The following SDK1 variants were observed in gnomAD, a reference collection of about 807,000 sequenced individuals.
SDK1 encodes the protein protein sidekick-1.
Under a neutral mutation model 245.5 loss-of-function variants are expected in SDK1, and 157 were observed. The ratio of observed to expected loss-of-function variants is 0.64; its 90% CI spans 0.56 to 0.73. SDK1 has a LOEUF of 0.73. Ranked by LOEUF, SDK1 falls within the 30% of genes least tolerant of loss-of-function variation. SDK1 has a pLI of 0.00. For missense variants in SDK1, 3,583 were observed against 3,002.3 expected (o/e 1.19, Z -4.52); for synonymous variants, 1,647 against 1,278.5 (o/e 1.29, Z -6.15).
chr7:3,331,653 G>A (rs1307794174), intron 1 of SDK1, among the ~76,000 whole-genome samples: 2 of 152,128 alleles, frequency 1.3e-5, no homozygotes, highest in African/African-American at 4.8e-5. Context: ...TGCTTTTGGT[G>A]TCATATCTGA....
At chr7:3,370,773 T>A (rs546085784) in intron 1 of SDK1, among the ~76,000 whole-genome samples, 2 of 152,310 alleles carry the variant, frequency 1.3e-5, no homozygotes, top group Admixed American at 6.5e-5. Context: ...GGACATGTTT[T>A]AAAATTCATG....
At chr7:4,032,004 G>A (rs965987334) in intron 17 of SDK1, among the ~76,000 whole-genome samples, 7 of 149,308 alleles carry the variant, frequency 4.7e-5, no homozygotes, top group African/African-American at 1.2e-4. Context: ...TCCAGCCTGG[G>A]TGACAGAGTG....
At chr7:4,037,316 T>A (rs1315257295) in intron 17 of SDK1, among the ~76,000 whole-genome samples, 3 of 152,090 alleles carry the variant, frequency 2.0e-5, no homozygotes, top group Non-Finnish European at 4.4e-5. Flanking sequence ...TGAGTCTGAA[T>A]CTCTCAAAAG....
At chr7:3,550,390 C>T (rs939083295) in intron 1 of SDK1, among the ~76,000 whole-genome samples, 12 of 152,256 alleles carry the variant, frequency 7.9e-5, no homozygotes, top group African/African-American at 2.4e-4. Context: ...TACTGTGGCA[C>T]GAGTAAGAAC....
chr7:3,830,654 C>T (rs907929899), intron 5 of SDK1, among the ~76,000 whole-genome samples: 4 of 152,122 alleles, frequency 2.6e-5, no homozygotes, highest in Admixed American at 2.6e-4. Flanking sequence ...CACCACCACA[C>T]TTGGCTAATT....
chr7:3,342,406 T>G (rs192567607), intron 1 of SDK1, among the ~76,000 whole-genome samples: 2 of 151,934 alleles, frequency 1.3e-5, no homozygotes, highest in East Asian at 3.9e-4. Flanking sequence ...CTGACCGACA[T>G]GGAGAAACAC....
chr7:3,590,513 T>C (rs1310390517), intron 1 of SDK1, among the ~76,000 whole-genome samples: 1 of 152,208 alleles, frequency 6.6e-6, no homozygotes, highest in African/African-American at 2.4e-5. Context: ...AAAATGTGAA[T>C]GCTAATAAGT....
At chr7:3,362,802 T>C (rs1042179148) in intron 1 of SDK1, among the ~76,000 whole-genome samples, 1 of 152,220 alleles carries the variant, frequency 6.6e-6, no homozygotes, top group Non-Finnish European at 1.5e-5. Context: ...TTTATACTTT[T>C]ATAGTTTTCC....
intron 8 of SDK1, among the ~76,000 whole-genome samples, chr7:3,960,255 C>A (rs191587749): frequency 6.6e-6 from 1 of 152,306 alleles, no homozygotes; most frequent in African/African-American, 2.4e-5. Flanking sequence ...AGTCATTGCC[C>A]AGTGTGTGGC....
intron 4 of SDK1, among the ~76,000 whole-genome samples, chr7:3,770,941 C>G (rs561037566): frequency 2.6e-5 from 4 of 152,168 alleles, no homozygotes; most frequent in African/African-American, 9.7e-5. Flanking sequence ...CCTGGGGTCC[C>G]TAGCCAGTTT....
intron 5 of SDK1, among the ~76,000 whole-genome samples, chr7:3,874,966 C>G (rs1437441080): frequency 6.6e-6 from 1 of 152,100 alleles, no homozygotes; most frequent in Non-Finnish European, 1.5e-5. Context: ...CTGAGAGCAC[C>G]CTTTAGGGTT....
At chr7:3,445,353 A>C (rs1480820829) in intron 1 of SDK1, among the ~76,000 whole-genome samples, 2 of 152,184 alleles carry the variant, frequency 1.3e-5, no homozygotes, top group African/African-American at 2.4e-5. Context: ...AACAGAATTT[A>C]CTGACTTTTA....
At chr7:4,134,284 T>C (rs1778899549) in intron 28 of SDK1, among the ~76,000 whole-genome samples, 1 of 152,206 alleles carries the variant, frequency 6.6e-6, no homozygotes. Context: ...CCTTTGGAAT[T>C]GCGGGTTCCT....
intron 1 of SDK1, among the ~76,000 whole-genome samples, chr7:3,448,354 C>A (rs915404440): frequency 6.6e-6 from 1 of 151,932 alleles, no homozygotes; most frequent in African/African-American, 2.4e-5. Flanking sequence ...TATTGAGTTG[C>A]CTTTTACTTA....
chr7:3,511,424 A>G (rs1667759958), intron 1 of SDK1, among the ~76,000 whole-genome samples: 1 of 152,248 alleles, frequency 6.6e-6, no homozygotes, highest in Non-Finnish European at 1.5e-5. Flanking sequence ...TTAAAGTTCA[A>G]TAAGTTGATT....
intron 1 of SDK1, among the ~76,000 whole-genome samples, chr7:3,537,905 G>A (rs748047565): frequency 6.6e-6 from 1 of 152,186 alleles, no homozygotes; most frequent in Non-Finnish European, 1.5e-5. Flanking sequence ...CATCCTGGTG[G>A]CAGATACCCC....
intron 17 of SDK1, among the ~76,000 whole-genome samples, chr7:4,035,816 A>G (rs574643714): frequency 2.0e-5 from 3 of 152,276 alleles, no homozygotes; most frequent in Non-Finnish European, 2.9e-5. Context: ...GCTATCAACT[A>G]TCAACATGGC....
intron 1 of SDK1, among the ~76,000 whole-genome samples, chr7:3,604,987 G>C (rs1344403628): frequency 6.6e-6 from 1 of 151,800 alleles, no homozygotes; most frequent in Non-Finnish European, 1.5e-5. Context: ...GTTGTCTTTT[G>C]GTTTTTGTTT....
chr7:4,112,501 A>C (rs529070354), intron 23 of SDK1, among the ~76,000 whole-genome samples: 1 of 152,320 alleles, frequency 6.6e-6, no homozygotes, highest in South Asian at 2.1e-4. Flanking sequence ...GCCGTTGATC[A>C]TTTAAAAGGC....
Sources: gnomAD v4.1 joint callset for allele counts (sites outside exome capture counted in the v4.1 genomes callset) on GRCh38, gnomAD v4.1.1 for gene constraint, MANE v1.5 for transcripts, NCBI Gene and HGNC (gene_info 2026-07-23, HGNC 2026-07-21) for gene names.